EHBP1: variants seen among roughly 807,000 people sequenced by gnomAD.
EHBP1 encodes EH domain-binding protein 1.
A neutral mutation model predicts 144.0 loss-of-function variants in EHBP1; 55 were observed. The ratio of observed to expected loss-of-function variants is 0.38; its 90% CI spans 0.31 to 0.48. EHBP1 has a LOEUF of 0.48. EHBP1 is among the 20% of genes least tolerant of loss of function. The pLI is 0.98. For synonymous variants in EHBP1, 469 were observed against 472.7 expected, an observed-to-expected ratio of 0.99 and a Z score of 0.10; for missense variants, 1,200 against 1,364.2, an observed-to-expected ratio of 0.88 and a Z score of 1.90.
intron 10 of EHBP1, among the ~76,000 whole-genome samples, chr2:62,941,907 T>A (rs1278827086): frequency 6.6e-6 from 1 of 152,150 alleles, no homozygotes; most frequent in Non-Finnish European, 1.5e-5. Context: ...AAGAAAATGA[T>A]ATGGTTTTAA....
chr2:62,906,561 T>C (rs887487377), intron 10 of EHBP1, among the ~76,000 whole-genome samples: 1 of 152,240 alleles, frequency 6.6e-6, no homozygotes, highest in Admixed American at 6.5e-5. Context: ...TTGCAAATGG[T>C]AATATTGAAA....
At chr2:62,835,115 T>C (rs530528980) in intron 7 of EHBP1, among the ~76,000 whole-genome samples, 16 of 152,340 alleles carry the variant, frequency 1.1e-4, no homozygotes, top group Admixed American at 7.8e-4. Flanking sequence ...ATGGTTTTTT[T>C]AGATTTTTAT....
intron 10 of EHBP1, chr2:62,940,143 A>G: frequency 2.4e-6 from 1 of 410,748 alleles, no homozygotes; most frequent in South Asian, 1.9e-5. Flanking sequence ...GCCTGTGGTA[A>G]AGGTTCTAAG....
At chr2:62,863,843 T>TTA (rs2049828456) in intron 8 of EHBP1, among the ~76,000 whole-genome samples, 1 of 133,144 alleles carries the variant, frequency 7.5e-6, no homozygotes, top group Admixed American at 7.5e-5. Flanking sequence ...CTGTGTTGTT[T>TTA]TTTTTTTTTT....
intron 9 of EHBP1, among the ~76,000 whole-genome samples, chr2:62,873,653 G>A (rs1365799163): frequency 6.6e-6 from 1 of 152,050 alleles, no homozygotes; most frequent in East Asian, 1.9e-4. Context: ...TCCACACCTA[G>A]ACATGTCATG....
intron 9 of EHBP1, among the ~76,000 whole-genome samples, chr2:62,866,052 T>C (rs1044399202): frequency 2.0e-5 from 3 of 152,222 alleles, no homozygotes; most frequent in Admixed American, 6.5e-5. Context: ...GAATGATCCC[T>C]GGAGTTTGCC....
At chr2:62,751,294 T>A (rs1248084356) in intron 3 of EHBP1, among the ~76,000 whole-genome samples, 1 of 152,230 alleles carries the variant, frequency 6.6e-6, no homozygotes, top group African/African-American at 2.4e-5. Context: ...ATTTATTGAT[T>A]TTCGTATGTT....
intron 5 of EHBP1, among the ~76,000 whole-genome samples, chr2:62,801,910 T>C (rs758693751): frequency 1.7e-4 from 26 of 152,350 alleles, no homozygotes; most frequent in Non-Finnish European, 3.7e-4. Flanking sequence ...TTAGTGTGCA[T>C]TGGACTCATC....
intron 19 of EHBP1, among the ~76,000 whole-genome samples, chr2:63,021,225 T>TCCGTCTCTCCCTCTGTCTCTCC (rs2060733617): frequency 2.0e-5 from 3 of 151,984 alleles, no homozygotes; most frequent in Admixed American, 6.6e-5. Flanking sequence ...TTATACTCTC[T>TCCGTCTCTCCCTCTGTCTCTCC]CCGTCTCTCC....
In EHBP1 at chr2:62,712,887, A is replaced by T. The variant is rs1006812501; in HGVS notation, c.104+5592A>T. Among the ~76,000 whole-genome samples, 11 of 152,330 alleles carry T rather than the reference A, an allele frequency of 7.2e-5. No homozygotes were observed. In the South Asian group the frequency reaches 2.3e-3, roughly 32 times the overall value. On this transcript the variant is annotated intron_variant, in intron 2 of 22. Transcript: ENST00000431489. Reference sequence around the variant, plus strand: ...CACATGTGCATATCTGTTTACAAAAATGAGCACATATCCCAATATATTTTT... The same window carrying T: ...CACATGTGCATATCTGTTTACAAAATTGAGCACATATCCCAATATATTTTT...
At chr2:62,688,350 A>C (rs972387961) in intron 1 of EHBP1, among the ~76,000 whole-genome samples, 1 of 152,074 alleles carries the variant, frequency 6.6e-6, no homozygotes, top group African/African-American at 2.4e-5. Flanking sequence ...TTTTATTAAA[A>C]ATTTTTTTCA....
intron 6 of EHBP1, among the ~76,000 whole-genome samples, chr2:62,829,323 C>G (rs2046602549): frequency 1.3e-5 from 2 of 151,842 alleles, no homozygotes; most frequent in South Asian, 4.1e-4. Context: ...GCAGTGTACA[C>G]GGTACTCAAT....
intron 19 of EHBP1, among the ~76,000 whole-genome samples, chr2:63,029,923 G>T (rs1574542146): frequency 6.6e-6 from 1 of 151,246 alleles, no homozygotes; most frequent in African/African-American, 2.4e-5. Flanking sequence ...TAGAGATGGG[G>T]TTTCACCATG....
intron 3 of EHBP1, among the ~76,000 whole-genome samples, chr2:62,757,497 G>A (rs1023837218): frequency 1.4e-5 from 2 of 140,360 alleles, no homozygotes; most frequent in Non-Finnish European, 3.0e-5. Context: ...GCAGTGGGAT[G>A]ATCTCGGCGC....
intron 10 of EHBP1, among the ~76,000 whole-genome samples, chr2:62,899,210 A>AGGGGTCT (rs1011095583): frequency 6.6e-6 from 1 of 152,170 alleles, no homozygotes; most frequent in African/African-American, 2.4e-5. Flanking sequence ...CAGGAGCTGA[A>AGGGGTCT]GGGGTCTTCC....
At chr2:62,840,868 AG>A (rs2047778035) in intron 7 of EHBP1, among the ~76,000 whole-genome samples, 1 of 152,100 alleles carries the variant, frequency 6.6e-6, no homozygotes, top group Non-Finnish European at 1.5e-5. Context: ...GTGGAGAAAT[AG>A]GAACACTTTT....
chr2:62,966,596 T>C (rs2058258475), intron 14 of EHBP1, among the ~76,000 whole-genome samples: 1 of 152,192 alleles, frequency 6.6e-6, no homozygotes, highest in African/African-American at 2.4e-5. Flanking sequence ...AATCAGTAAA[T>C]TTTAAATTTC....
chr2:62,812,333 G>A (rs2045082654), intron 5 of EHBP1, among the ~76,000 whole-genome samples: 1 of 152,160 alleles, frequency 6.6e-6, no homozygotes, highest in Non-Finnish European at 1.5e-5. Flanking sequence ...GTGAGATTGT[G>A]GCTATAACAA....
chr2:62,951,298 A>G (rs2057368081), intron 13 of EHBP1, among the ~76,000 whole-genome samples: 1 of 152,162 alleles, frequency 6.6e-6, no homozygotes, highest in South Asian at 2.1e-4. Context: ...AGGTGTCAAG[A>G]AAGAATTTAT....
Sources: allele counts gnomAD v4.1 joint callset (sites outside exome capture counted in the v4.1 genomes callset), GRCh38; gene constraint gnomAD v4.1.1; transcripts MANE v1.5; gene names NCBI Gene and HGNC (gene_info 2026-07-23, HGNC 2026-07-21).